The following ARHGAP10 variants were observed in gnomAD, a reference collection of about 807,000 sequenced individuals.
The protein encoded by ARHGAP10 is Rho GTPase activating protein 10, also known as rho GTPase-activating protein 10.
ARHGAP10 carries 87 observed loss-of-function variants against 108.6 expected under a neutral mutation model. That is an observed-to-expected ratio of 0.80 (90% CI 0.67 to 0.96). ARHGAP10 has a LOEUF of 0.96. Ranked by LOEUF, ARHGAP10 falls within the 40% of genes least tolerant of loss-of-function variation. The pLI is 0.00. For synonymous variants in ARHGAP10, 347 were observed against 341.1 expected (o/e 1.02, Z -0.19); for missense variants, 939 against 954.5 (o/e 0.98, Z 0.21).
intron 7 of ARHGAP10, among the ~76,000 whole-genome samples, chr4:147,870,356 C>T (rs1359016300): frequency 3.3e-5 from 5 of 152,122 alleles, no homozygotes; most frequent in Admixed American, 6.5e-5. Flanking sequence ...CCACCGCGCC[C>T]GGCCGCATAT....
intron 18 of ARHGAP10, among the ~76,000 whole-genome samples, chr4:147,968,587 T>C (rs556218253): frequency 1.3e-5 from 2 of 152,354 alleles, no homozygotes; most frequent in South Asian, 4.1e-4. Context: ...ATCTCTTAAG[T>C]GACTTGCTTT....
At chr4:147,755,521 C>T (rs2126697905) in intron 1 of ARHGAP10, among the ~76,000 whole-genome samples, 1 of 151,934 alleles carries the variant, frequency 6.6e-6, no homozygotes, top group African/African-American at 2.4e-5. Flanking sequence ...GAAACTCCGT[C>T]TCAAAAAAAG....
intron 18 of ARHGAP10, among the ~76,000 whole-genome samples, chr4:148,020,952 A>T (rs577028805): frequency 6.6e-6 from 1 of 152,224 alleles, no homozygotes; most frequent in Non-Finnish European, 1.5e-5. Flanking sequence ...TTCATCCAAG[A>T]TAAGTGTAAA....
chr4:147,839,993 A>G (rs868314841), intron 3 of ARHGAP10, among the ~76,000 whole-genome samples: 1 of 152,324 alleles, frequency 6.6e-6, no homozygotes. Flanking sequence ...TCTCAAAACT[A>G]CAGCATGGAA....
chr4:147,916,014 C>T (rs114654188), intron 13 of ARHGAP10, among the ~76,000 whole-genome samples: 1,955 of 152,120 alleles, frequency 0.013, 32 homozygotes, highest in South Asian at 0.044. Flanking sequence ...GAGGCTGAGG[C>T]GGGAGGATCA....
intron 1 of ARHGAP10, among the ~76,000 whole-genome samples, chr4:147,747,134 A>C (rs1417972962): frequency 6.6e-6 from 1 of 151,832 alleles, no homozygotes; most frequent in Non-Finnish European, 1.5e-5. Flanking sequence ...TGCACTTAAA[A>C]GACCCAAACG....
intron 10 of ARHGAP10, among the ~76,000 whole-genome samples, chr4:147,904,230 C>A (rs1233487297): frequency 2.0e-5 from 3 of 151,724 alleles, no homozygotes; most frequent in South Asian, 2.1e-4. Flanking sequence ...TTCTTTCTTT[C>A]TTTATTTTAT....
chr4:147,781,421 A>G (rs1186574970), intron 1 of ARHGAP10, among the ~76,000 whole-genome samples: 1 of 152,182 alleles, frequency 6.6e-6, no homozygotes, highest in Non-Finnish European at 1.5e-5. Flanking sequence ...CTCACCCTAC[A>G]TATGGGGAAT....
intron 7 of ARHGAP10, among the ~76,000 whole-genome samples, chr4:147,874,386 CCAAGTGT>C (rs1021943348): frequency 6.6e-6 from 1 of 152,136 alleles, no homozygotes; most frequent in Admixed American, 6.6e-5. Context: ...TATTGGCACA[CCAAGTGT>C]CCTGGGTTTC....
At chr4:147,852,334 G>A (rs934243611) in intron 4 of ARHGAP10, among the ~76,000 whole-genome samples, 2 of 152,186 alleles carry the variant, frequency 1.3e-5, no homozygotes, top group South Asian at 4.1e-4. Context: ...TGTGCTGGCC[G>A]TTCACTTGTG....
At chr4:147,998,475 C>T (rs757877860) in intron 18 of ARHGAP10, among the ~76,000 whole-genome samples, 5 of 152,220 alleles carry the variant, frequency 3.3e-5, no homozygotes, top group Non-Finnish European at 5.9e-5. Flanking sequence ...TGAAGGAAAA[C>T]TGCAAATTCT....
chr4:147,902,316 C>G (rs1560817978), intron 10 of ARHGAP10, among the ~76,000 whole-genome samples: 2 of 152,226 alleles, frequency 1.3e-5, no homozygotes, highest in East Asian at 3.8e-4. Context: ...CCTGATCTGG[C>G]TGTTCCCCTA....
At chr4:147,768,944 G>T (rs911754223) in intron 1 of ARHGAP10, among the ~76,000 whole-genome samples, 1 of 151,960 alleles carries the variant, frequency 6.6e-6, no homozygotes, top group Non-Finnish European at 1.5e-5. Flanking sequence ...CACCATGTTG[G>T]CCAGGCTGGT....
In ARHGAP10 at chr4:147,887,053, G is replaced by A. The variant is rs575209138; in HGVS notation, c.1034+5121G>A. ...ATTACAGGCGCGAGTCACCCTGCCC[G>A]GCCCATGCTATGTTTCCTTAGTTGC... On this transcript the variant is annotated intron_variant, in intron 10 of 22. Coordinates refer to ENST00000336498, the MANE Select transcript of ARHGAP10 (RefSeq NM_024605.4). Among the ~76,000 whole-genome samples the A allele has an allele frequency of 6.6e-5, 10 of 152,154 alleles. No individual in the cohort carries two copies. The East Asian group carries it at 1.4e-3, about 21-fold the overall frequency.
intron 4 of ARHGAP10, among the ~76,000 whole-genome samples, chr4:147,856,213 C>T (rs1462914790): frequency 6.6e-6 from 1 of 152,178 alleles, no homozygotes; most frequent in Admixed American, 6.5e-5. Flanking sequence ...CTTATTTTCT[C>T]AAAAAGCTTC....
intron 13 of ARHGAP10, among the ~76,000 whole-genome samples, chr4:147,933,264 A>G (rs1351073374): frequency 1.3e-5 from 2 of 152,144 alleles, no homozygotes; most frequent in African/African-American, 2.4e-5. Flanking sequence ...GTTGCCCAGG[A>G]TGGAGCCCAG....
chr4:147,872,437 T>C (rs1025989911), intron 7 of ARHGAP10, among the ~76,000 whole-genome samples: 1 of 152,170 alleles, frequency 6.6e-6, no homozygotes, highest in Non-Finnish European at 1.5e-5. Flanking sequence ...TTTTCAAATA[T>C]ATAGGTAGAT....
intron 22 of ARHGAP10, among the ~76,000 whole-genome samples, chr4:148,069,388 G>A (rs1730052798): frequency 6.6e-6 from 1 of 152,194 alleles, no homozygotes; most frequent in Non-Finnish European, 1.5e-5. Flanking sequence ...CTGCCTTCCA[G>A]GGAGGGGAGG....
At position 147,960,051 on chromosome 4, in the gene ARHGAP10, T is replaced by C. The variant is rs144144539; in HGVS notation, c.1450+4677T>C. On this transcript the variant is annotated intron_variant, in intron 16 of 22. Coordinates refer to ENST00000336498, the MANE Select transcript of ARHGAP10 (RefSeq NM_024605.4). ...AATTTCTACTATTTTGCAGAGTCTC[T>C]GCTTTAAGTCTATTTTTAAAAATCA... Among the ~76,000 whole-genome samples the C allele has an allele frequency of 3.1e-3, 466 of 152,320 alleles. 1 individual carries two copies. The highest frequency in any genetic ancestry group is 1.0e-2 in the African/African-American group (414 of 41,578).
Sources: gnomAD v4.1 joint callset for allele counts (sites outside exome capture counted in the v4.1 genomes callset) on GRCh38, gnomAD v4.1.1 for gene constraint, MANE v1.5 for transcripts, NCBI Gene and HGNC (gene_info 2026-07-23, HGNC 2026-07-21) for gene names.